Variants in TMTC2 observed in about 807,000 individuals in gnomAD.
The protein encoded by TMTC2 is protein O-mannosyl-transferase TMTC2.
TMTC2 carries 43 observed loss-of-function variants against 82.4 expected under a neutral mutation model. That is an observed-to-expected ratio of 0.52 (90% CI 0.41 to 0.67). TMTC2 has a LOEUF of 0.67. Among genes scored for constraint, TMTC2 ranks in the 30% least tolerant of loss-of-function variants. The pLI is 0.00. For missense variants in TMTC2, 919 were observed against 1,012.4 expected (o/e 0.91, Z 1.25); for synonymous variants, 408 against 381.9 (o/e 1.07, Z -0.80).
intron 1 of TMTC2, among the ~76,000 whole-genome samples, chr12:82,833,577 T>C (rs1159181198): frequency 1.3e-5 from 2 of 152,228 alleles, no homozygotes; most frequent in Non-Finnish European, 2.9e-5. Flanking sequence ...AAATGTGTAG[T>C]ATATTGCCAA....
chr12:83,073,266 G>A (rs1429829514), intron 11 of TMTC2, among the ~76,000 whole-genome samples: 2 of 152,052 alleles, frequency 1.3e-5, no homozygotes, highest in African/African-American at 4.8e-5. Context: ...AAAATTCTTG[G>A]CTGATAATTG....
Position 83,133,245 on chromosome 12 carries a change from A to T in TMTC2, c.*856A>T, listed in dbSNP as rs982359735. 6.6e-6 allele frequency: 1 copy of T among 152,230 alleles called. No individual in the cohort carries two copies. Among genetic ancestry groups the T allele is most frequent in the African/African-American group, 2.4e-5 (1 of 41,456 alleles). 9.4% of individuals were successfully genotyped at this position (152,230 alleles called of 1,614,324 possible). The stretch of plus-strand genomic sequence containing the variant: ...ATTCCTGGAGAATGTGCAAGCTTAC[A>T]TAAGGATAAAGGACAGGGGAGGAGT... On this transcript the variant is annotated 3_prime_UTR_variant, in exon 12 of 12. Coordinates refer to ENST00000321196, the MANE Select transcript of TMTC2 (RefSeq NM_152588.3).
intron 4 of TMTC2, among the ~76,000 whole-genome samples, chr12:82,958,585 A>G (rs1468657078): frequency 2.0e-5 from 3 of 152,088 alleles, no homozygotes; most frequent in East Asian, 3.9e-4. Context: ...CAAGAATTAT[A>G]TGATTATCTC....
At chr12:83,014,769 C>T (rs1288551660) in intron 8 of TMTC2, among the ~76,000 whole-genome samples, 20 of 152,068 alleles carry the variant, frequency 1.3e-4, no homozygotes, top group African/African-American at 4.6e-4. Context: ...TATTGTACTG[C>T]ACTTCTTAAA....
chr12:83,115,097 G>A (rs1189834286), intron 11 of TMTC2, among the ~76,000 whole-genome samples: 1 of 152,030 alleles, frequency 6.6e-6, no homozygotes, highest in Non-Finnish European at 1.5e-5. Flanking sequence ...AATTCCTTGG[G>A]ATGAGCAGTC....
chr12:83,067,945 T>C (rs1387888102), intron 11 of TMTC2, among the ~76,000 whole-genome samples: 1 of 152,124 alleles, frequency 6.6e-6, no homozygotes, highest in Non-Finnish European at 1.5e-5. Flanking sequence ...ACTTCATATA[T>C]GCATTATGTC....
chr12:83,094,672 T>C (rs1028350093), intron 11 of TMTC2, among the ~76,000 whole-genome samples: 10 of 152,146 alleles, frequency 6.6e-5, no homozygotes, highest in African/African-American at 2.4e-4. Flanking sequence ...AGAAAAGGTA[T>C]ATTTGAAAAG....
intron 1 of TMTC2, among the ~76,000 whole-genome samples, chr12:82,754,732 A>C (rs1260903484): frequency 9.1e-6 from 1 of 109,816 alleles, no homozygotes; most frequent in Non-Finnish European, 2.0e-5. Context: ...GCAAGACTTC[A>C]TCTCAAAAAA....
At chr12:82,940,971 T>C (rs1236394012) in intron 4 of TMTC2, among the ~76,000 whole-genome samples, 1 of 152,070 alleles carries the variant, frequency 6.6e-6, no homozygotes, top group Non-Finnish European at 1.5e-5. Context: ...AAGAGCCAAG[T>C]ATTTATGGTA....
intron 10 of TMTC2, among the ~76,000 whole-genome samples, chr12:83,052,449 G>A (rs1391433960): frequency 1.3e-5 from 2 of 152,058 alleles, no homozygotes; most frequent in Non-Finnish European, 1.5e-5. Context: ...CAATCTGCAA[G>A]AGCCTTCAAT....
intron 9 of TMTC2, among the ~76,000 whole-genome samples, chr12:83,048,501 T>C (rs993118890): frequency 6.6e-6 from 1 of 152,224 alleles, no homozygotes; most frequent in Non-Finnish European, 1.5e-5. Context: ...GAAAGTGATA[T>C]GAAACTTTTT....
intron 11 of TMTC2, among the ~76,000 whole-genome samples, chr12:83,112,636 A>G (rs1226400593): frequency 6.6e-6 from 1 of 152,206 alleles, no homozygotes; most frequent in Non-Finnish European, 1.5e-5. Context: ...AAGATACGTT[A>G]TCTTAAGAAT....
intron 1 of TMTC2, among the ~76,000 whole-genome samples, chr12:82,810,835 T>G (rs892581776): frequency 6.6e-6 from 1 of 152,112 alleles, no homozygotes; most frequent in Non-Finnish European, 1.5e-5. Context: ...GCTGGGCACT[T>G]CTCTTACCTG....
intron 11 of TMTC2, among the ~76,000 whole-genome samples, chr12:83,082,728 C>A (rs1883513814): frequency 6.6e-6 from 1 of 152,296 alleles, no homozygotes; most frequent in Non-Finnish European, 1.5e-5. Context: ...TGTTCACTCC[C>A]AGCATAACAC....
chr12:82,877,656 C>T (rs907453153), intron 2 of TMTC2, among the ~76,000 whole-genome samples: 1 of 152,072 alleles, frequency 6.6e-6, no homozygotes, highest in Non-Finnish European at 1.5e-5. Context: ...TATTCTTCTC[C>T]TGTTCTTCAT....
At chr12:82,852,955 A>G (rs1213234271) in intron 1 of TMTC2, among the ~76,000 whole-genome samples, 1 of 152,226 alleles carries the variant, frequency 6.6e-6, no homozygotes, top group African/African-American at 2.4e-5. Context: ...AGCAGATAAC[A>G]CACATTGGAG....
At chr12:82,979,967 C>A (rs541675424) in intron 7 of TMTC2, among the ~76,000 whole-genome samples, 6 of 151,870 alleles carry the variant, frequency 4.0e-5, no homozygotes, top group African/African-American at 1.4e-4. Flanking sequence ...CATATTAGAG[C>A]TCCATTGTAT....
At chr12:82,904,257 T>G (rs1874175885) in intron 3 of TMTC2, among the ~76,000 whole-genome samples, 1 of 152,204 alleles carries the variant, frequency 6.6e-6, no homozygotes, top group East Asian at 1.9e-4. Flanking sequence ...ATTTTTTTTC[T>G]TCCTTTGAAA....
chr12:82,789,587 A>G (rs1035294814), intron 1 of TMTC2, among the ~76,000 whole-genome samples: 1 of 152,162 alleles, frequency 6.6e-6, no homozygotes, highest in African/African-American at 2.4e-5. Flanking sequence ...CAGGCTCTCT[A>G]CTGGAATATG....
Sources: gnomAD v4.1 joint callset for allele counts (sites outside exome capture counted in the v4.1 genomes callset) on GRCh38, gnomAD v4.1.1 for gene constraint, MANE v1.5 for transcripts, NCBI Gene and HGNC (gene_info 2026-07-23, HGNC 2026-07-21) for gene names.